Variants in RIMS2 observed in about 807,000 individuals in gnomAD.
RIMS2 encodes the protein regulating synaptic membrane exocytosis 2, also known as regulating synaptic membrane exocytosis protein 2.
In RIMS2, 59 loss-of-function variants were observed where a neutral mutation model predicts 174.4. The ratio of observed to expected loss-of-function variants is 0.34; its 90% CI spans 0.27 to 0.42. RIMS2 has a LOEUF of 0.42. RIMS2 is among the 10% of genes least tolerant of loss of function. RIMS2 has a pLI of 1.00. For synonymous variants in RIMS2, 606 were observed against 572.5 expected (o/e 1.06, Z -0.84); for missense variants, 1,620 against 1,666.3 (o/e 0.97, Z 0.48).
chr8:103,664,444 A>C (rs1691281392), intron 1 of RIMS2, among the ~76,000 whole-genome samples: 1 of 152,216 alleles, frequency 6.6e-6, no homozygotes, highest in Non-Finnish European at 1.5e-5. Flanking sequence ...AAAAAACAAC[A>C]ACCACATCAA....
chr8:103,698,520 T>A (rs756023200), intron 2 of RIMS2, among the ~76,000 whole-genome samples: 1 of 152,222 alleles, frequency 6.6e-6, no homozygotes, highest in Non-Finnish European at 1.5e-5. Flanking sequence ...TTTATTTTGT[T>A]TTTTAATGTG....
intron 19 of RIMS2, among the ~76,000 whole-genome samples, chr8:104,218,154 AT>A (rs2099139268): frequency 6.6e-6 from 1 of 152,212 alleles, no homozygotes; most frequent in Admixed American, 6.5e-5. Context: ...CTGCAGCATG[AT>A]TTATAACTTT....
At position 103,819,343 on chromosome 8, in the gene RIMS2, T is replaced by C. The variant is rs2098736991; in HGVS notation, c.698+52806T>C. ...GACTGAATTAGAAGAATAATGACTG[T>C]ACAATTAACTATCAACCTCTGTTCA... On this transcript the variant is annotated intron_variant, in intron 3 of 23. Transcript: ENST00000504942. 2.0e-6 allele frequency: 3 copies of C among 1,488,966 alleles called. No homozygotes were observed. The Admixed American group carries it at 7.6e-5, about 38-fold the overall frequency. 92.2% of individuals were successfully genotyped at this position (1,488,966 alleles called of 1,614,324 possible). A position where few individuals can be genotyped will look rare whatever the true frequency, so the allele number is the denominator to read the frequency against.
chr8:104,112,118 T>A (rs768353557), intron 19 of RIMS2, among the ~76,000 whole-genome samples: 63 of 152,198 alleles, frequency 4.1e-4, no homozygotes, highest in Non-Finnish European at 8.1e-4. Flanking sequence ...GAATTAATTT[T>A]ACATATTACA....
intron 3 of RIMS2, chr8:103,819,544 GT>G: frequency 6.2e-7 from 1 of 1,613,334 alleles, no homozygotes. Context: ...CTGCAATTCT[GT>G]TTTATCTCAT....
intron 17 of RIMS2, among the ~76,000 whole-genome samples, chr8:103,991,995 T>C (rs936293900): frequency 6.6e-6 from 1 of 152,208 alleles, no homozygotes; most frequent in African/African-American, 2.4e-5. Flanking sequence ...TGCTTTAACC[T>C]TACCATTTTA....
chr8:104,111,797 A>C (rs2098189261), intron 19 of RIMS2, among the ~76,000 whole-genome samples: 1 of 152,130 alleles, frequency 6.6e-6, no homozygotes. Flanking sequence ...ACAGCTCTAG[A>C]ACTCCCTTTT....
At chr8:103,830,798 C>A (rs774463855) in intron 3 of RIMS2, among the ~76,000 whole-genome samples, 2 of 152,124 alleles carry the variant, frequency 1.3e-5, no homozygotes, top group Non-Finnish European at 2.9e-5. Context: ...GATATCTACA[C>A]GTTTGTGATA....
intron 1 of RIMS2, among the ~76,000 whole-genome samples, chr8:103,686,043 C>T (rs2136904851): frequency 6.6e-6 from 1 of 152,184 alleles, no homozygotes; most frequent in South Asian, 2.1e-4. Context: ...TTGTTCATAT[C>T]TTATTAGAGT....
intron 3 of RIMS2, among the ~76,000 whole-genome samples, chr8:103,814,847 T>G (rs951308211): frequency 1.3e-5 from 2 of 152,156 alleles, no homozygotes; most frequent in African/African-American, 4.8e-5. Context: ...AGATTCTGTC[T>G]CAAAATATCT....
intron 16 of RIMS2, among the ~76,000 whole-genome samples, chr8:103,982,086 C>A (rs1057110778): frequency 2.6e-5 from 4 of 151,802 alleles, no homozygotes; most frequent in Non-Finnish European, 4.4e-5. Flanking sequence ...CAATTGATAC[C>A]ACAGAAATTC....
intron 2 of RIMS2, among the ~76,000 whole-genome samples, chr8:103,721,967 G>T (rs1197366302): frequency 6.6e-6 from 1 of 152,146 alleles, no homozygotes. Context: ...GCCGTTTTGG[G>T]GTGGTGAGGG....
At position 103,641,518 on chromosome 8, in the gene RIMS2, C is replaced by G. The variant is rs577159852; in HGVS notation, c.177-55568C>G. Among the ~76,000 whole-genome samples, 25 of 152,136 alleles carry G rather than the reference C, an allele frequency of 1.6e-4. No homozygotes were observed. In the East Asian group the frequency reaches 4.8e-3, roughly 29 times the overall value. On this transcript the variant is annotated intron_variant, in intron 1 of 23. Transcript: ENST00000504942. ...ACCTATCAACCAACCTCTCTTAATTCCCCAATCTCGTGATGCTATAGCTTG... is the reference window on the plus strand; with the variant it reads ...ACCTATCAACCAACCTCTCTTAATTGCCCAATCTCGTGATGCTATAGCTTG...
In RIMS2 at chr8:103,575,677, C is replaced by CATATATATAT. The variant is rs1194550934; in HGVS notation, c.176+74616_176+74617insTATATATATA. Among the ~76,000 whole-genome samples, 35 of 85,952 alleles carry CATATATATAT rather than the reference C, an allele frequency of 4.1e-4. 1 individual carries two copies. In the East Asian group the frequency reaches 0.026, roughly 64 times the overall value. 56.4% of individuals were successfully genotyped at this position (85,952 alleles called of 152,430 possible). ...ATATATATAAACACACACATACACA[C>CATATATATAT]ACACACACATATATATATATATACA... On this transcript the variant is annotated intron_variant, in intron 1 of 23. Transcript: ENST00000504942.
At chr8:103,585,144 G>A (rs1000281700) in intron 1 of RIMS2, among the ~76,000 whole-genome samples, 8 of 152,018 alleles carry the variant, frequency 5.3e-5, no homozygotes, top group Non-Finnish European at 1.2e-4. Flanking sequence ...TGAAAAACAG[G>A]TCATCACTGG....
intron 19 of RIMS2, among the ~76,000 whole-genome samples, chr8:104,060,547 G>T (rs929384859): frequency 6.6e-6 from 1 of 150,744 alleles, no homozygotes; most frequent in East Asian, 1.9e-4. Context: ...TTTTTTGAAG[G>T]GTTTTTTGTG....
At chr8:103,879,792 A>G (rs1180573537) in intron 3 of RIMS2, among the ~76,000 whole-genome samples, 5 of 151,666 alleles carry the variant, frequency 3.3e-5, no homozygotes, top group African/African-American at 1.2e-4. Context: ...GTTTTATATA[A>G]AAGTATTTGG....
chr8:103,667,360 G>A (rs2096683733), intron 1 of RIMS2, among the ~76,000 whole-genome samples: 1 of 152,138 alleles, frequency 6.6e-6, no homozygotes, highest in African/African-American at 2.4e-5. Context: ...TGTAGAACCT[G>A]TTATAAGGAA....
At chr8:103,713,746 C>T (rs1243548899) in intron 2 of RIMS2, among the ~76,000 whole-genome samples, 1 of 152,170 alleles carries the variant, frequency 6.6e-6, no homozygotes, top group African/African-American at 2.4e-5. Flanking sequence ...AAAAATGATT[C>T]AGTGACTCCT....
Sources: gnomAD v4.1 joint callset for allele counts (sites outside exome capture counted in the v4.1 genomes callset) on GRCh38, gnomAD v4.1.1 for gene constraint, MANE v1.5 for transcripts, NCBI Gene and HGNC (gene_info 2026-07-23, HGNC 2026-07-21) for gene names.